ADARB2: variants seen among roughly 807,000 people sequenced by gnomAD.
ADARB2 encodes adenosine deaminase RNA specific B2 (inactive).
A neutral mutation model predicts 62.2 loss-of-function variants in ADARB2; 25 were observed. The observed-to-expected ratio is 0.40, with a 90% CI of 0.29 to 0.56. ADARB2 has a LOEUF of 0.56. Among genes scored for constraint, ADARB2 ranks in the 20% least tolerant of loss-of-function variants. The pLI, the probability that ADARB2 is intolerant of heterozygous loss-of-function variation, is 0.43. For synonymous variants in ADARB2, 572 were observed against 500.8 expected, an observed-to-expected ratio of 1.14 and a Z score of -1.90; for missense variants, 1,071 against 1,077.4, an observed-to-expected ratio of 0.99 and a Z score of 0.08.
intron 1 of ADARB2, among the ~76,000 whole-genome samples, chr10:1,705,751 G>A: frequency 6.6e-6 from 1 of 152,176 alleles, no homozygotes; most frequent in South Asian, 2.1e-4. Flanking sequence ...ATATTGTGCT[G>A]CTCTGAGGGT....
intron 3 of ADARB2, among the ~76,000 whole-genome samples, chr10:1,302,075 G>A (rs780270126): frequency 1.4e-4 from 22 of 152,210 alleles, no homozygotes; most frequent in Admixed American, 1.4e-3. Flanking sequence ...CAGCCTGAGC[G>A]ACGCAGAAGA....
At chr10:1,588,048 C>T (rs966235910) in intron 1 of ADARB2, among the ~76,000 whole-genome samples, 1 of 152,200 alleles carries the variant, frequency 6.6e-6, no homozygotes, top group Admixed American at 6.5e-5. Flanking sequence ...ACTAATGCAA[C>T]AATACTATGA....
At chr10:1,730,115 T>C (rs1835213242) in intron 1 of ADARB2, among the ~76,000 whole-genome samples, 1 of 152,120 alleles carries the variant, frequency 6.6e-6, no homozygotes, top group African/African-American at 2.4e-5. Flanking sequence ...GAGAAGTGGG[T>C]TTACAAATAG....
At chr10:1,309,219 C>G (rs1831661782) in intron 3 of ADARB2, among the ~76,000 whole-genome samples, 1 of 152,236 alleles carries the variant, frequency 6.6e-6, no homozygotes. Context: ...CATTGCCTGT[C>G]ATGTTGGGTA....
Position 1,375,840 on chromosome 10 carries a change from G to C in ADARB2, c.187+3234C>G, listed in dbSNP as rs186430301. On this transcript the variant is annotated intron_variant, in intron 2 of 9. Coordinates refer to ENST00000381312, the MANE Select transcript of ADARB2 (RefSeq NM_018702.4). ...ATGCACACACACACGTGCACACACC[G>C]CACACATGCACACACATGCACATGA... is the stretch of plus-strand genomic sequence containing the variant. Among the ~76,000 whole-genome samples the C allele has an allele frequency of 4.6e-5, 6 of 129,520 alleles. No homozygotes were observed. In the Admixed American group the frequency reaches 4.8e-4, roughly 10 times the overall value. The allele number at this position is 129,520 out of a possible 152,430, so 85.0% of individuals were successfully genotyped here. A position where few individuals can be genotyped will look rare whatever the true frequency, so the allele number is the denominator to read the frequency against.
At chr10:1,507,683 T>C (rs1831869443) in intron 1 of ADARB2, among the ~76,000 whole-genome samples, 1 of 152,176 alleles carries the variant, frequency 6.6e-6, no homozygotes, top group South Asian at 2.1e-4. Context: ...CTTCCAGGAC[T>C]CGATGGAGGG....
At chr10:1,449,343 A>G (rs1401922881) in intron 1 of ADARB2, among the ~76,000 whole-genome samples, 1 of 152,068 alleles carries the variant, frequency 6.6e-6, no homozygotes, top group Non-Finnish European at 1.5e-5. Context: ...CCCGTGACCC[A>G]TCCTGTATCA....
chr10:1,274,398 C>G (rs574801074), intron 3 of ADARB2, among the ~76,000 whole-genome samples: 1 of 152,202 alleles, frequency 6.6e-6, no homozygotes, highest in Non-Finnish European at 1.5e-5. Flanking sequence ...TTTCTGGTGC[C>G]AGGCATCTGA....
At chr10:1,195,237 T>C (rs193167255) in intron 8 of ADARB2, among the ~76,000 whole-genome samples, 1 of 152,248 alleles carries the variant, frequency 6.6e-6, no homozygotes, top group African/African-American at 2.4e-5. Flanking sequence ...TGTGGCACTC[T>C]CCTTGGTGCC....
chr10:1,229,862 GTGTGT>G (rs1830787634), intron 6 of ADARB2, among the ~76,000 whole-genome samples: 1 of 151,488 alleles, frequency 6.6e-6, no homozygotes, highest in South Asian at 2.1e-4. Flanking sequence ...GTGTGTGTGT[GTGTGT>G]GGGTATATAT....
chr10:1,642,507 C>T (rs1564355785), intron 1 of ADARB2, among the ~76,000 whole-genome samples: 1 of 152,114 alleles, frequency 6.6e-6, no homozygotes. Flanking sequence ...GTTGTTATGG[C>T]TCAAATAACA....
rs1207240911 is a variant in ADARB2, at chr10:1,477,614, G to A, written c.101-98454C>T. 2.0e-5 allele frequency among the ~76,000 whole-genome samples: 3 copies of A among 152,166 alleles called. No individual in the cohort carries two copies. The highest frequency in any genetic ancestry group is 1.3e-4 in the Admixed American group (2 of 15,282). On this transcript the variant is annotated intron_variant, in intron 1 of 9. Transcript: ENST00000381312. This position sits in a 1 kb window ranked among gnomAD's most constrained non-coding sequence, Gnocchi z 4.5. ...ACAACAACACGGTGATGTGCCAGAA[G>A]CAATGAAAAGCCATCCATACATAGA...
chr10:1,179,857 G>A lies in ADARB2; in HGVS notation c.*3336C>T, dbSNP rs1434964866. On this transcript the variant is annotated 3_prime_UTR_variant, in exon 10 of 10. Transcript: ENST00000381312. ...GATTTCGAGGTGGACTTGGAGGGGC[G>A]GGCCTGACTTCATCAGCCCCCCTTG... 2.0e-5 allele frequency: 3 copies of A among 152,318 alleles called. No homozygotes were observed. The highest frequency in any genetic ancestry group is 2.4e-5 in the African/African-American group (1 of 41,538). 9.4% of individuals were successfully genotyped at this position (152,318 alleles called of 1,614,324 possible).
chr10:1,326,870 C>CTGGTAGCA (rs1831858244), intron 3 of ADARB2, among the ~76,000 whole-genome samples: 3 of 87,584 alleles, frequency 3.4e-5, no homozygotes, highest in Admixed American at 1.1e-4. Flanking sequence ...CCCAGCGCCT[C>CTGGTAGCA]CCCACGGCAC....
At chr10:1,393,149 T>A (rs1254751969) in intron 1 of ADARB2, among the ~76,000 whole-genome samples, 1 of 152,214 alleles carries the variant, frequency 6.6e-6, no homozygotes, top group East Asian at 1.9e-4. Flanking sequence ...GAGCTATTGG[T>A]GGAATGTGTC....
chr10:1,613,193 C>T (rs186093080), intron 1 of ADARB2, among the ~76,000 whole-genome samples: 2 of 152,254 alleles, frequency 1.3e-5, no homozygotes, highest in South Asian at 2.1e-4. Context: ...CAAAGAAAGG[C>T]GTTTACTTAC....
At chr10:1,512,092 T>C (rs1187055697) in intron 1 of ADARB2, among the ~76,000 whole-genome samples, 1 of 151,960 alleles carries the variant, frequency 6.6e-6, no homozygotes, top group Non-Finnish European at 1.5e-5. Flanking sequence ...TGATGCTGTC[T>C]ACACTGGACA....
intron 1 of ADARB2, chr10:1,535,798 A>C (rs1668704960): frequency 6.0e-6 from 1 of 167,272 alleles, no homozygotes; most frequent in African/African-American, 2.4e-5. Context: ...TGAGCAGTGC[A>C]GGCCCTGAGT....
At chr10:1,251,651 A>G (rs1320991769) in intron 4 of ADARB2, among the ~76,000 whole-genome samples, 2 of 152,202 alleles carry the variant, frequency 1.3e-5, no homozygotes, top group East Asian at 1.9e-4. Flanking sequence ...GGTGGGTGCT[A>G]TGGTTTAAAT....
Sources: gnomAD v4.1 joint callset for allele counts (sites outside exome capture counted in the v4.1 genomes callset) on GRCh38, gnomAD v4.1.1 for gene constraint, Gnocchi (gnomAD v3.1) non-coding constraint, MANE v1.5 for transcripts, NCBI Gene and HGNC (gene_info 2026-07-23, HGNC 2026-07-21) for gene names.